Variants in PRMT3 observed in about 807,000 individuals in gnomAD.
The protein encoded by PRMT3 is protein arginine methyltransferase 3, also known as protein arginine N-methyltransferase 3.
Under a neutral mutation model 71.9 loss-of-function variants are expected in PRMT3, and 62 were observed. The ratio of observed to expected loss-of-function variants is 0.86; its 90% CI spans 0.70 to 1.07. The LOEUF (loss-of-function observed/expected upper bound fraction) is 1.07, where lower values mean the gene tolerates loss of function less well. PRMT3 is among the 50% of genes least tolerant of loss of function. The pLI, the probability that PRMT3 is intolerant of heterozygous loss-of-function variation, is 0.00. For synonymous variants in PRMT3, 213 were observed against 220.4 expected, an observed-to-expected ratio of 0.97 and a Z score of 0.30; for missense variants, 663 against 643.0, an observed-to-expected ratio of 1.03 and a Z score of -0.34.
intron 10 of PRMT3, among the ~76,000 whole-genome samples, chr11:20,427,827 GA>G (rs1306220274): frequency 6.7e-6 from 1 of 149,080 alleles, no homozygotes; most frequent in Non-Finnish European, 1.5e-5. Context: ...AAATTATTTT[GA>G]AATAATTTTT....
intron 13 of PRMT3, among the ~76,000 whole-genome samples, chr11:20,486,139 A>G (rs1851065469): frequency 1.3e-5 from 2 of 152,244 alleles, no homozygotes. Context: ...TAGATGAAAT[A>G]TCCAGAATAG....
At chr11:20,473,149 A>T (rs1392556247) in intron 13 of PRMT3, among the ~76,000 whole-genome samples, 2 of 151,752 alleles carry the variant, frequency 1.3e-5, no homozygotes, top group African/African-American at 4.8e-5. Context: ...TCTAGCTAGC[A>T]GTCTATCGTA....
intron 13 of PRMT3, among the ~76,000 whole-genome samples, chr11:20,468,025 T>TAAC (rs1850553994): frequency 6.6e-6 from 1 of 152,196 alleles, no homozygotes. Flanking sequence ...GAATAATCCA[T>TAAC]AACAAAAGTA....
chr11:20,404,930 A>G (rs907197532), intron 8 of PRMT3, among the ~76,000 whole-genome samples: 1 of 152,242 alleles, frequency 6.6e-6, no homozygotes, highest in Non-Finnish European at 1.5e-5. Flanking sequence ...TTGTTAAGAA[A>G]GTAAGTTAGA....
At chr11:20,474,288 G>A (rs1850724617) in intron 13 of PRMT3, among the ~76,000 whole-genome samples, 1 of 152,232 alleles carries the variant, frequency 6.6e-6, no homozygotes, top group African/African-American at 2.4e-5. Context: ...GGCTGGAATA[G>A]TCAAGTTGAC....
At chr11:20,467,517 G>A (rs1850540489) in intron 13 of PRMT3, among the ~76,000 whole-genome samples, 3 of 152,184 alleles carry the variant, frequency 2.0e-5, no homozygotes, top group Admixed American at 2.0e-4. Context: ...GAAGAAAGCA[G>A]GCTTCGTGTT....
chr11:20,414,668 T>C (rs1849263353), intron 9 of PRMT3, among the ~76,000 whole-genome samples: 1 of 152,150 alleles, frequency 6.6e-6, no homozygotes, highest in Non-Finnish European at 1.5e-5. Context: ...TATTCAGACT[T>C]TCAGATGTTA....
intron 7 of PRMT3, 54 bp from the exon 8 acceptor site, chr11:20,402,865 A>G: frequency 7.0e-7 from 1 of 1,420,006 alleles, no homozygotes; most frequent in Non-Finnish European, 9.9e-7. Context: ...CCCTTAAAAA[A>G]TTTATTTGTT....
chr11:20,460,166 G>A (rs900967351), intron 11 of PRMT3, among the ~76,000 whole-genome samples: 1 of 152,172 alleles, frequency 6.6e-6, no homozygotes, highest in Non-Finnish European at 1.5e-5. Context: ...TGCTAAGGCT[G>A]TGGAAATAAA....
rs573053083 is a variant in PRMT3, at chr11:20,464,055, TCA to T, written c.1261-400_1261-399del. 1.1e-4 allele frequency among the ~76,000 whole-genome samples: 16 copies of T among 152,316 alleles called. No homozygotes were observed. In the South Asian group the frequency reaches 2.7e-3, roughly 26 times the overall value. On this transcript the variant is annotated intron_variant, in intron 12 of 15. Coordinates refer to ENST00000331079, the MANE Select transcript of PRMT3 (RefSeq NM_005788.4). Reference sequence around the variant, plus strand: ...GTTCCTATAAATGTATTGACTGTTATCACACATATTTTATAGCAGTTGTGGTG... The same window carrying T: ...GTTCCTATAAATGTATTGACTGTTATCACATATTTTATAGCAGTTGTGGTG...
At chr11:20,440,861 C>G (rs1433795553) in intron 10 of PRMT3, among the ~76,000 whole-genome samples, 1 of 152,064 alleles carries the variant, frequency 6.6e-6, no homozygotes, top group African/African-American at 2.4e-5. Flanking sequence ...GTGGCAGGTC[C>G]TTTCGTCCTT....
intron 9 of PRMT3, among the ~76,000 whole-genome samples, chr11:20,411,309 G>A (rs965091080): frequency 6.6e-6 from 1 of 152,042 alleles, no homozygotes; most frequent in African/African-American, 2.4e-5. Flanking sequence ...TTTGGAAAGG[G>A]AGTCTGATCA....
chr11:20,491,331 T>C (rs1851200976), intron 13 of PRMT3, among the ~76,000 whole-genome samples: 1 of 152,226 alleles, frequency 6.6e-6, no homozygotes, highest in Non-Finnish European at 1.5e-5. Context: ...CAGAGGTGGC[T>C]TGTCTTTTCT....
chr11:20,501,093 C>T (rs1851447531), intron 15 of PRMT3, among the ~76,000 whole-genome samples: 1 of 152,126 alleles, frequency 6.6e-6, no homozygotes, highest in Non-Finnish European at 1.5e-5. Context: ...GTTGTTTTGA[C>T]CTCTTTCACT....
chr11:20,485,906 G>A (rs938646879), intron 13 of PRMT3, among the ~76,000 whole-genome samples: 6 of 152,236 alleles, frequency 3.9e-5, no homozygotes, highest in African/African-American at 7.2e-5. Context: ...ACATGTCCAC[G>A]CAAATGTTTA....
intron 10 of PRMT3, among the ~76,000 whole-genome samples, chr11:20,443,443 G>A (rs894858964): frequency 1.3e-5 from 2 of 152,166 alleles, no homozygotes; most frequent in African/African-American, 4.8e-5. Context: ...TTTCCTCCAT[G>A]TTCGTTGACT....
chr11:20,477,014 C>G (rs1051677931), intron 13 of PRMT3, among the ~76,000 whole-genome samples: 1 of 152,122 alleles, frequency 6.6e-6, no homozygotes, highest in South Asian at 2.1e-4. Flanking sequence ...GGGTCGATCC[C>G]TTTTGATTTC....
intron 9 of PRMT3, among the ~76,000 whole-genome samples, chr11:20,420,678 T>C (rs886692752): frequency 1.6e-4 from 25 of 152,222 alleles, no homozygotes; most frequent in African/African-American, 5.5e-4. Flanking sequence ...GGAAAGATTG[T>C]CTTCCACGAA....
chr11:20,484,444 C>T (rs902658197), intron 13 of PRMT3, among the ~76,000 whole-genome samples: 28 of 136,578 alleles, frequency 2.1e-4, no homozygotes. Context: ...ATCTTGAATT[C>T]CCATGTGTTG....
Sources: gnomAD v4.1 joint callset for allele counts (sites outside exome capture counted in the v4.1 genomes callset) on GRCh38, gnomAD v4.1.1 for gene constraint, MANE v1.5 for transcripts, NCBI Gene and HGNC (gene_info 2026-07-23, HGNC 2026-07-21) for gene names.